Variants in KLHL32 observed in about 807,000 individuals in gnomAD.
KLHL32 encodes the protein kelch-like protein 32.
In KLHL32, 35 loss-of-function variants were observed where a neutral mutation model predicts 64.8. That is an observed-to-expected ratio of 0.54 (90% confidence interval 0.41 to 0.72). The LOEUF is 0.72. Among genes scored for constraint, KLHL32 ranks in the 30% least tolerant of loss-of-function variants. KLHL32 has a pLI of 0.00. For missense variants in KLHL32, 589 were observed against 768.5 expected (o/e 0.77, Z 2.76); for synonymous variants, 259 against 281.0 (o/e 0.92, Z 0.78).
intron 1 of KLHL32, among the ~76,000 whole-genome samples, chr6:96,941,316 A>G (rs979116104): frequency 6.6e-6 from 1 of 152,204 alleles, no homozygotes; most frequent in Non-Finnish European, 1.5e-5. Context: ...TTTGAGAAAT[A>G]TTCTTACCAA....
chr6:96,940,007 G>C (rs1044214357), intron 1 of KLHL32, among the ~76,000 whole-genome samples: 31 of 151,548 alleles, frequency 2.0e-4, no homozygotes, highest in East Asian at 2.0e-3. Context: ...GGTGAGGGAA[G>C]AGAAACCTGA....
At chr6:97,075,545 C>T (rs1222596330) in intron 5 of KLHL32, among the ~76,000 whole-genome samples, 2 of 152,134 alleles carry the variant, frequency 1.3e-5, no homozygotes, top group Admixed American at 1.3e-4. Context: ...GCACAATAAA[C>T]ATGATAACTT....
intron 2 of KLHL32, 114 bp from the exon 3 acceptor site, chr6:96,975,883 C>CA: frequency 3.0e-6 from 2 of 667,564 alleles, no homozygotes. Flanking sequence ...TGGTCACACT[C>CA]ATAGAGTGCA....
intron 2 of KLHL32, among the ~76,000 whole-genome samples, chr6:96,968,536 C>T (rs999335905): frequency 3.3e-5 from 5 of 152,162 alleles, no homozygotes; most frequent in Admixed American, 3.3e-4. Context: ...TTCTGGCTAC[C>T]AGGATCAGTG....
the KLHL32 span, among the ~76,000 whole-genome samples, chr6:96,902,186 T>C: frequency 6.6e-6 from 1 of 152,368 alleles, no homozygotes; most frequent in Non-Finnish European, 1.5e-5. Flanking sequence ...ATGGTTGAAC[T>C]AATTTACACT....
chr6:97,044,961 C>A (rs1166117425), intron 4 of KLHL32, among the ~76,000 whole-genome samples: 1 of 151,778 alleles, frequency 6.6e-6, no homozygotes, highest in African/African-American at 2.4e-5. Context: ...TGAAGTTTCA[C>A]TTTCATTAAT....
intron 6 of KLHL32, among the ~76,000 whole-genome samples, chr6:97,104,755 T>C (rs1043726944): frequency 1.3e-5 from 2 of 152,244 alleles, no homozygotes; most frequent in Non-Finnish European, 2.9e-5. Flanking sequence ...AGCACTGTTA[T>C]AATTTTTAAT....
chr6:96,962,023 T>C (rs1773936680), intron 1 of KLHL32, among the ~76,000 whole-genome samples: 1 of 152,228 alleles, frequency 6.6e-6, no homozygotes, highest in African/African-American at 2.4e-5. Flanking sequence ...AGTTTAGTTA[T>C]GTATTTTTCG....
chr6:97,041,520 G>T lies in KLHL32; in HGVS notation c.233G>T (p.Ser78Ile). The change falls in exon 4 of 11, where the codon AGT becomes ATT. Residue 78 changes from serine to isoleucine, a missense_variant. Transcript: ENST00000369261. ...RAMFSLCMVE[S>I]GADEVNLHGV... is the part of the protein sequence containing the mutation. ...ATGTTCAGTCTTTGTATGGTGGAAA[G>T]TGGAGCTGATGAGGTTAATTTGCAC... is the stretch of plus-strand genomic sequence containing the variant. 1 of 1,613,814 alleles carries T rather than the reference G, an allele frequency of 6.2e-7. No homozygotes were observed. Among genetic ancestry groups the T allele is most frequent in the Non-Finnish European group, 8.5e-7 (1 of 1,179,768 alleles).
intron 1 of KLHL32, among the ~76,000 whole-genome samples, chr6:96,945,944 A>C (rs12527566): frequency 0.099 from 15,042 of 152,150 alleles, 794 homozygotes; most frequent in Middle Eastern, 0.16. Context: ...GCTGGTCTTC[A>C]TTGTGTAGTT....
At chr6:97,012,715 C>T (rs1166124924) in intron 3 of KLHL32, among the ~76,000 whole-genome samples, 1 of 152,064 alleles carries the variant, frequency 6.6e-6, no homozygotes, top group Non-Finnish European at 1.5e-5. Flanking sequence ...ATAGTGCCAC[C>T]TGAAAATGTT....
chr6:96,948,303 A>C (rs1353521611), intron 1 of KLHL32, among the ~76,000 whole-genome samples: 1 of 152,152 alleles, frequency 6.6e-6, no homozygotes, highest in Non-Finnish European at 1.5e-5. Flanking sequence ...TTGTACGTCA[A>C]ACTTGAGGTT....
chr6:96,920,391 C>T (rs915049462), upstream of KLHL32, among the ~76,000 whole-genome samples: 4 of 152,162 alleles, frequency 2.6e-5, no homozygotes, highest in East Asian at 7.7e-4. Flanking sequence ...GGGGCCTATC[C>T]TGACCTTTTG....
chr6:97,048,708 C>G (rs2128134074), intron 4 of KLHL32, among the ~76,000 whole-genome samples: 1 of 152,278 alleles, frequency 6.6e-6, no homozygotes, highest in Non-Finnish European at 1.5e-5. Context: ...ACCTGAGCAT[C>G]AGGCCAGGCA....
chr6:96,966,906 G>A lies in KLHL32; in HGVS notation c.-65-90G>A, dbSNP rs934184850. Reference sequence around the variant, plus strand: ...GTAAAGCTCTCCAAGCTGTCTCCCTGGAATTCAGAAACTTTAGCATCAGGA... The same window carrying A: ...GTAAAGCTCTCCAAGCTGTCTCCCTAGAATTCAGAAACTTTAGCATCAGGA... On this transcript the variant is annotated intron_variant, in intron 1 of 10. Coordinates refer to ENST00000369261, the MANE Select transcript of KLHL32 (RefSeq NM_052904.4). 1.8e-5 allele frequency: 11 copies of A among 623,684 alleles called. No homozygotes were observed. The Admixed American group carries it at 2.2e-4, about 13-fold the overall frequency. The allele number at this position is 623,684 out of a possible 1,614,324, so 38.6% of individuals were successfully genotyped here. A position where few individuals can be genotyped will look rare whatever the true frequency, so the allele number is the denominator to read the frequency against.
At chr6:97,055,811 A>AAC (rs1562286446) in intron 4 of KLHL32, among the ~76,000 whole-genome samples, 1 of 147,486 alleles carries the variant, frequency 6.8e-6, no homozygotes, top group African/African-American at 2.5e-5. Flanking sequence ...AAAAAAAAAA[A>AAC]AAAAAAAAAA....
In KLHL32 at chr6:97,139,403, T is replaced by A; in HGVS notation, c.*121T>A. ...TTATAGGTCTTATATTCGGATAAATTTAAGCAAAAAATGAACAATTTTCTA... is the reference window on the plus strand; with the variant it reads ...TTATAGGTCTTATATTCGGATAAATATAAGCAAAAAATGAACAATTTTCTA... On this transcript the variant is annotated 3_prime_UTR_variant, in exon 11 of 11. Coordinates refer to ENST00000369261, the MANE Select transcript of KLHL32 (RefSeq NM_052904.4). The A allele has an allele frequency of 1.1e-6, 1 of 892,690 alleles. No individual in the cohort carries two copies. Among genetic ancestry groups the A allele is most frequent in the Non-Finnish European group, 1.7e-6 (1 of 594,060 alleles). 55.3% of individuals were successfully genotyped at this position (892,690 alleles called of 1,614,324 possible). A position where few individuals can be genotyped will look rare whatever the true frequency, so the allele number is the denominator to read the frequency against.
rs529805770 is a variant in KLHL32, at chr6:97,009,857, G to A, written c.205-31635G>A. 8.5e-5 allele frequency among the ~76,000 whole-genome samples: 13 copies of A among 152,146 alleles called. No individual in the cohort carries two copies. The South Asian group carries it at 2.7e-3, about 32-fold the overall frequency. ...ATGTATGTGGAGATTATATGTTTTT[G>A]AGACACTATAATTAAGGTCAAGAAG... is the stretch of plus-strand genomic sequence containing the variant. On this transcript the variant is annotated intron_variant, in intron 3 of 10. Transcript: ENST00000369261.
intron 3 of KLHL32, among the ~76,000 whole-genome samples, chr6:97,029,967 C>T (rs1024539785): frequency 1.3e-5 from 2 of 152,148 alleles, no homozygotes; most frequent in Non-Finnish European, 2.9e-5. Flanking sequence ...GTAATCATTG[C>T]GAGTTGCTCT....
Sources: allele counts gnomAD v4.1 joint callset (sites outside exome capture counted in the v4.1 genomes callset), GRCh38; gene constraint gnomAD v4.1.1; transcripts MANE v1.5; gene names NCBI Gene and HGNC (gene_info 2026-07-23, HGNC 2026-07-21).